The following CHSY3 variants were observed in gnomAD, a reference collection of about 807,000 sequenced individuals.
CHSY3 encodes the protein chondroitin sulfate synthase 3, also known as N-acetylgalactosaminyl-proteoglycan 3-beta-glucuronosyltransferase 3.
CHSY3 carries 35 observed loss-of-function variants against 67.2 expected under a neutral mutation model. That is an observed-to-expected ratio of 0.52 (90% confidence interval 0.40 to 0.69). The LOEUF is 0.69. Among genes scored for constraint, CHSY3 ranks in the 30% least tolerant of loss-of-function variants. CHSY3 has a pLI of 0.00. For synonymous variants in CHSY3, 474 were observed against 434.7 expected (o/e 1.09, Z -1.12); for missense variants, 1,069 against 1,138.5 (o/e 0.94, Z 0.88).
intron 2 of CHSY3, among the ~76,000 whole-genome samples, chr5:130,067,933 G>A (rs1390196290): frequency 6.6e-6 from 1 of 152,146 alleles, no homozygotes; most frequent in Admixed American, 6.6e-5. Flanking sequence ...CCAAGCCATA[G>A]TTTAGGTCTA....
chr5:130,010,966 A>C (rs1312656486), intron 2 of CHSY3, among the ~76,000 whole-genome samples: 2 of 152,192 alleles, frequency 1.3e-5, no homozygotes, highest in African/African-American at 4.8e-5. Context: ...TGAATTCCAA[A>C]ATTGAATCAG....
At chr5:130,077,402 AT>A (rs1766302732) in intron 2 of CHSY3, among the ~76,000 whole-genome samples, 1 of 152,130 alleles carries the variant, frequency 6.6e-6, no homozygotes, top group Admixed American at 6.6e-5. Context: ...CCAAACAGGA[AT>A]TTATTTTTCA....
chr5:129,910,760 G>T (rs1760510405), intron 2 of CHSY3, among the ~76,000 whole-genome samples: 2 of 151,866 alleles, frequency 1.3e-5, no homozygotes, highest in Admixed American at 1.3e-4. Flanking sequence ...AGTGGAAATG[G>T]TGTCCATATA....
chr5:130,170,736 A>G (rs1275062456), intron 2 of CHSY3, among the ~76,000 whole-genome samples: 3 of 152,138 alleles, frequency 2.0e-5, no homozygotes, highest in Non-Finnish European at 4.4e-5. Context: ...TCTGATGATT[A>G]GTGATGTTGA....
intron 2 of CHSY3, among the ~76,000 whole-genome samples, chr5:129,982,538 T>C (rs1042720535): frequency 1.3e-5 from 2 of 152,086 alleles, no homozygotes; most frequent in Non-Finnish European, 2.9e-5. Flanking sequence ...GTTCAGCATA[T>C]AATTTTCTTT....
At chr5:130,015,136 G>A (rs1231457267) in intron 2 of CHSY3, among the ~76,000 whole-genome samples, 1 of 151,996 alleles carries the variant, frequency 6.6e-6, no homozygotes, top group Non-Finnish European at 1.5e-5. Flanking sequence ...TTTCTCATGA[G>A]ATCTGATGGT....
At chr5:129,919,089 G>A (rs1383548677) in intron 2 of CHSY3, among the ~76,000 whole-genome samples, 4 of 131,056 alleles carry the variant, frequency 3.1e-5, no homozygotes, top group Admixed American at 1.6e-4. Flanking sequence ...AGTCCGGCCT[G>A]GGCGACAGAG....
chr5:130,159,350 T>C (rs1210555338), intron 2 of CHSY3, among the ~76,000 whole-genome samples: 1 of 150,852 alleles, frequency 6.6e-6, no homozygotes, highest in African/African-American at 2.4e-5. Context: ...TTTTTTGTAG[T>C]GACAGGGTTT....
In CHSY3 at chr5:129,905,527, A is replaced by G. The variant is rs748048779; in HGVS notation, c.698A>G (p.Tyr233Cys). Reference protein sequence around the residue: ...VIALPGVDDSYPPQKKSFMMI... With the variant: ...VIALPGVDDSCPPQKKSFMMI... Reference sequence around the variant, plus strand: ...GCGCTACCGGGTGTGGACGACTCCTATCCTCCCCAGAAAAAGTCCTTCATG... The same window carrying G: ...GCGCTACCGGGTGTGGACGACTCCTGTCCTCCCCAGAAAAAGTCCTTCATG... The change falls in exon 1 of 3, where the codon TAT becomes TGT. Residue 233 changes from tyrosine to cysteine, a missense_variant. This residue lies in a region of CHSY3 where 216 missense variants were observed against 311.5 expected (regional missense o/e 0.69). Coordinates refer to ENST00000305031, the MANE Select transcript of CHSY3 (RefSeq NM_175856.5). The G allele has an allele frequency of 1.2e-6, 2 of 1,613,280 alleles. No homozygotes were observed. The highest frequency in any genetic ancestry group is 1.7e-6 in the Non-Finnish European group (2 of 1,179,984).
chr5:129,931,459 A>G (rs947312364), intron 2 of CHSY3, among the ~76,000 whole-genome samples: 1 of 152,226 alleles, frequency 6.6e-6, no homozygotes, highest in Non-Finnish European at 1.5e-5. Context: ...GCTGAATGCT[A>G]TAGATATTTG....
chr5:130,097,712 T>C (rs910816166), intron 2 of CHSY3, among the ~76,000 whole-genome samples: 1 of 152,102 alleles, frequency 6.6e-6, no homozygotes, highest in Non-Finnish European at 1.5e-5. Context: ...TTGTAAGAAA[T>C]AATAGAGGAG....
chr5:130,027,424 C>A (rs1764577602), intron 2 of CHSY3, among the ~76,000 whole-genome samples: 1 of 151,984 alleles, frequency 6.6e-6, no homozygotes, highest in Non-Finnish European at 1.5e-5. Context: ...ACAAGGCATG[C>A]ACAATATCAG....
At chr5:130,109,977 C>T (rs1313001248) in intron 2 of CHSY3, among the ~76,000 whole-genome samples, 5 of 151,720 alleles carry the variant, frequency 3.3e-5, no homozygotes, top group African/African-American at 1.2e-4. Flanking sequence ...TTCAAAATTA[C>T]TAGGAAAAAC....
At chr5:130,173,931 G>T (rs1769969507) in intron 2 of CHSY3, among the ~76,000 whole-genome samples, 1 of 151,414 alleles carries the variant, frequency 6.6e-6, no homozygotes, top group Non-Finnish European at 1.5e-5. Flanking sequence ...GCAAACAATT[G>T]TGTTAATTTG....
Position 130,050,940 on chromosome 5 carries a change from G to A in CHSY3, c.1087-133289G>A, listed in dbSNP as rs528075367. Reference sequence around the variant, plus strand: ...TGTTAATTGTTATATACCCACCTTTGGGCTGTTAATGCAGCTATTACAAAA... The same window carrying A: ...TGTTAATTGTTATATACCCACCTTTAGGCTGTTAATGCAGCTATTACAAAA... On this transcript the variant is annotated intron_variant, in intron 2 of 2. Transcript: ENST00000305031. Among the ~76,000 whole-genome samples the A allele has an allele frequency of 7.4e-4, 113 of 151,812 alleles. 1 individual carries two copies. The South Asian group carries it at 0.017, about 22-fold the overall frequency.
At chr5:130,071,788 T>G (rs1294161008) in intron 2 of CHSY3, among the ~76,000 whole-genome samples, 1 of 152,046 alleles carries the variant, frequency 6.6e-6, no homozygotes, top group Non-Finnish European at 1.5e-5. Context: ...GGACCCTTTG[T>G]ATTATTTTTC....
At chr5:129,968,873 T>C (rs10040853) in intron 2 of CHSY3, among the ~76,000 whole-genome samples, 52,276 of 151,576 alleles carry the variant, frequency 0.34, 9,275 homozygotes, top group South Asian at 0.46. Flanking sequence ...TTAATGCAGA[T>C]TTCTTGGCTC....
At chr5:130,017,206 T>C (rs1764242425) in intron 2 of CHSY3, among the ~76,000 whole-genome samples, 1 of 152,072 alleles carries the variant, frequency 6.6e-6, no homozygotes, top group Non-Finnish European at 1.5e-5. Flanking sequence ...TGTTTGCATA[T>C]TTTATATTCA....
At chr5:130,071,030 A>C (rs1766045203) in intron 2 of CHSY3, among the ~76,000 whole-genome samples, 1 of 151,976 alleles carries the variant, frequency 6.6e-6, no homozygotes. Context: ...GATAGATTAG[A>C]TAGATAGACA....
Sources: gnomAD v4.1 joint callset for allele counts (sites outside exome capture counted in the v4.1 genomes callset) on GRCh38, gnomAD v4.1.1 for gene constraint, gnomAD v4.1.1 regional missense constraint, MANE v1.5 for transcripts, NCBI Gene and HGNC (gene_info 2026-07-23, HGNC 2026-07-21) for gene names.